The following NUAK1 variants were observed in gnomAD, a reference collection of about 807,000 sequenced individuals.
The protein encoded by NUAK1 is NUAK family kinase 1.
In NUAK1, 26 loss-of-function variants were observed where a neutral mutation model predicts 56.9. The observed-to-expected ratio is 0.46, with a 90% CI of 0.33 to 0.63. The LOEUF (loss-of-function observed/expected upper bound fraction) is 0.63, where lower values mean the gene tolerates loss of function less well. Among genes scored for constraint, NUAK1 ranks in the 30% least tolerant of loss-of-function variants. The pLI, the probability that NUAK1 is intolerant of heterozygous loss-of-function variation, is 0.02. For synonymous variants in NUAK1, 337 were observed against 336.0 expected, an observed-to-expected ratio of 1.00 and a Z score of -0.03; for missense variants, 727 against 876.1, an observed-to-expected ratio of 0.83 and a Z score of 2.15.
Position 106,063,757 on chromosome 12 carries a change from C to T in NUAK1, c.*3045G>A, listed in dbSNP as rs1054001943. 2 of 151,526 alleles carry T rather than the reference C, an allele frequency of 1.3e-5. No homozygotes were observed. The highest frequency in any genetic ancestry group is 2.9e-5 in the Non-Finnish European group (2 of 67,936). 9.4% of individuals were successfully genotyped at this position (151,526 alleles called of 1,614,324 possible). A position where few individuals can be genotyped will look rare whatever the true frequency, so the allele number is the denominator to read the frequency against. On this transcript the variant is annotated 3_prime_UTR_variant, in exon 7 of 7. Transcript: ENST00000261402. ...AGGAATGATACCATGCCAGTAAATC[C>T]CTACAGAACATTTCCAGTTTGGCAA...
At chr12:106,075,776 T>C (rs908289327) in intron 4 of NUAK1, among the ~76,000 whole-genome samples, 1 of 152,254 alleles carries the variant, frequency 6.6e-6, no homozygotes, top group Non-Finnish European at 1.5e-5. Context: ...CACCTTCAGT[T>C]CTTTGGATTA....
At chr12:106,104,067 C>CT (rs67587816) in intron 2 of NUAK1, 42,348 of 143,534 alleles carry the variant, frequency 0.3, 6,096 homozygotes, top group East Asian at 0.37. Context: ...TGTATTGCTT[C>CT]TTTTTTTTTT....
intron 1 of NUAK1, among the ~76,000 whole-genome samples, chr12:106,106,966 A>ATCATT (rs1160415260): frequency 6.6e-6 from 1 of 152,188 alleles, no homozygotes; most frequent in Non-Finnish European, 1.5e-5. Flanking sequence ...GCTATAAAAA[A>ATCATT]TCATTACTGC....
intron 1 of NUAK1, among the ~76,000 whole-genome samples, chr12:106,136,998 AT>A (rs1163924637): frequency 2.0e-5 from 3 of 152,234 alleles, no homozygotes; most frequent in African/African-American, 7.2e-5. Context: ...TGTAGAATTT[AT>A]TACAGAGCCA....
At chr12:106,075,533 T>G (rs1373257316) in intron 4 of NUAK1, among the ~76,000 whole-genome samples, 1 of 152,138 alleles carries the variant, frequency 6.6e-6, no homozygotes, top group Non-Finnish European at 1.5e-5. Context: ...TTAAATGACA[T>G]AAAGTATGTA....
chr12:106,072,970 G>T, intron 4 of NUAK1, 127 bp from the exon 5 acceptor site: 2 of 1,021,130 alleles, frequency 2.0e-6, no homozygotes, highest in Non-Finnish European at 1.5e-6. Context: ...TGGCTGGATC[G>T]CCATTTTCTC....
chr12:106,127,628 C>T (rs1207465966), intron 1 of NUAK1, among the ~76,000 whole-genome samples: 2 of 152,186 alleles, frequency 1.3e-5, no homozygotes, highest in African/African-American at 2.4e-5. Context: ...TGACAGTCTA[C>T]ACAGGGAGAC....
At chr12:106,099,844 G>A (rs1421589457) in intron 2 of NUAK1, among the ~76,000 whole-genome samples, 2 of 151,574 alleles carry the variant, frequency 1.3e-5, no homozygotes, top group Non-Finnish European at 2.9e-5. Context: ...AGGCTGGAGT[G>A]CAGTGGCACA....
In NUAK1 at chr12:106,064,048, G is replaced by A. The variant is rs184808686; in HGVS notation, c.*2754C>T. ...GATGTGTAAACTAAGACGGTGCAAGGCCCACAGAAGTAAGGAGAGGACCAG... is the reference window on the plus strand; with the variant it reads ...GATGTGTAAACTAAGACGGTGCAAGACCCACAGAAGTAAGGAGAGGACCAG... On this transcript the variant is annotated 3_prime_UTR_variant, in exon 7 of 7. Transcript: ENST00000261402. 6.5e-6 allele frequency: 1 copy of A among 152,732 alleles called. No homozygotes were observed. Among genetic ancestry groups the A allele is most frequent in the Admixed American group, 6.5e-5 (1 of 15,300 alleles). 9.5% of individuals were successfully genotyped at this position (152,732 alleles called of 1,614,324 possible). A position where few individuals can be genotyped will look rare whatever the true frequency, so the allele number is the denominator to read the frequency against.
chr12:106,073,861 T>A (rs1416241220), intron 4 of NUAK1, among the ~76,000 whole-genome samples: 6 of 152,098 alleles, frequency 3.9e-5, no homozygotes, highest in African/African-American at 1.4e-4. Flanking sequence ...CAGTGGTTCA[T>A]AACCTTCAAG....
intron 1 of NUAK1, among the ~76,000 whole-genome samples, chr12:106,115,088 C>T (rs533949960): frequency 5.7e-4 from 87 of 152,284 alleles, no homozygotes; most frequent in African/African-American, 1.9e-3. Context: ...TCATTGCAAA[C>T]ACTGCTATTA....
chr12:106,128,424 T>C (rs1863861), intron 1 of NUAK1, among the ~76,000 whole-genome samples: 13,083 of 152,134 alleles, frequency 0.086, 619 homozygotes, highest in Middle Eastern at 0.12. Context: ...GAGCCACCAC[T>C]CCCGCTTCCC....
intron 2 of NUAK1, among the ~76,000 whole-genome samples, chr12:106,089,524 G>A (rs2032613438): frequency 6.6e-6 from 1 of 152,206 alleles, no homozygotes; most frequent in African/African-American, 2.4e-5. Flanking sequence ...AGGTACGGTG[G>A]CTCACGCCTG....
chr12:106,121,393 G>C (rs1430796999), intron 1 of NUAK1, among the ~76,000 whole-genome samples: 2 of 152,134 alleles, frequency 1.3e-5, no homozygotes, highest in Non-Finnish European at 2.9e-5. Context: ...GTTCTCCCAC[G>C]TGGGTCAGGA....
chr12:106,086,829 G>A lies in NUAK1; in HGVS notation c.418C>T (p.Leu140=). 6.2e-7 allele frequency: 1 copy of A among 1,614,160 alleles called. No homozygotes were observed. The highest frequency in any genetic ancestry group is 8.5e-7 in the Non-Finnish European group (1 of 1,179,998). Reference sequence around the variant, plus strand: ...CGCCGCTCACTGATGTAATCGTACAGCTCCCCTTTGCTGGCATATTCCATG... The same window carrying A: ...CGCCGCTCACTGATGTAATCGTACAACTCCCCTTTGCTGGCATATTCCATG... The part of the protein sequence containing the change: ...IIMEYASKGE[L]YDYISERRRL... Residue 140 remains leucine (L), a synonymous_variant, in exon 3 of 7, where the codon CTG becomes TTG. Coordinates refer to ENST00000261402, the MANE Select transcript of NUAK1 (RefSeq NM_014840.3).
intron 3 of NUAK1, 108 bp downstream of exon 3, chr12:106,086,626 C>T: frequency 2.8e-6 from 3 of 1,061,062 alleles, no homozygotes; most frequent in Non-Finnish European, 2.5e-6. Flanking sequence ...TTCATAAATT[C>T]TCCATACATG....
intron 1 of NUAK1, among the ~76,000 whole-genome samples, chr12:106,136,520 T>A (rs2033131184): frequency 6.6e-6 from 1 of 152,206 alleles, no homozygotes; most frequent in Non-Finnish European, 1.5e-5. Flanking sequence ...CAAGAACGCC[T>A]GACAGGAAGT....
At chr12:106,123,512 G>A (rs2032997838) in intron 1 of NUAK1, among the ~76,000 whole-genome samples, 1 of 152,160 alleles carries the variant, frequency 6.6e-6, no homozygotes, top group Non-Finnish European at 1.5e-5. Flanking sequence ...AGGCAAAGAG[G>A]CAGATATGTG....
rs2033090442 is a variant in NUAK1 at position 106,132,615 on chromosome 12, T to C, written c.240+5799A>G. Among the ~76,000 whole-genome samples the C allele has an allele frequency of 2.0e-5, 3 of 152,294 alleles. No individual in the cohort carries two copies. The South Asian group carries it at 6.2e-4, about 32-fold the overall frequency. On this transcript the variant is annotated intron_variant, in intron 1 of 6. Coordinates refer to ENST00000261402, the MANE Select transcript of NUAK1 (RefSeq NM_014840.3). ...TAGGGACTCCAGGGTCTGAGGCTGC[T>C]TGGGAAACAAAGGACTCTGTATGTG... is the stretch of plus-strand genomic sequence containing the variant.
Sources: gnomAD v4.1 joint callset for allele counts (sites outside exome capture counted in the v4.1 genomes callset) on GRCh38, gnomAD v4.1.1 for gene constraint, MANE v1.5 for transcripts, NCBI Gene and HGNC (gene_info 2026-07-23, HGNC 2026-07-21) for gene names.